Variants in NCOA3 observed in about 807,000 individuals in gnomAD.
NCOA3 encodes the protein CBP-interacting protein.
A neutral mutation model predicts 158.8 loss-of-function variants in NCOA3; 51 were observed. That is an observed-to-expected ratio of 0.32 (90% CI 0.26 to 0.41). The LOEUF is 0.41. Among genes scored for constraint, NCOA3 ranks in the 10% least tolerant of loss-of-function variants. The pLI is 1.00. For missense variants in NCOA3, 1,510 were observed against 1,746.6 expected (o/e 0.86, Z 2.41); for synonymous variants, 537 against 592.4 (o/e 0.91, Z 1.36).
chr20:47,639,163 A>G lies in NCOA3; in HGVS notation c.2668A>G (p.Arg890Gly). 6.2e-7 allele frequency: 1 copy of G among 1,614,172 alleles called. No individual in the cohort carries two copies. The highest frequency in any genetic ancestry group is 8.5e-7 in the Non-Finnish European group (1 of 1,180,016). Reference sequence around the variant, plus strand: ...GCAACCCATGTTGGGTGGGAATCCAAGAATGATGGATAGTCAGGAAAATTA... The same window carrying G: ...GCAACCCATGTTGGGTGGGAATCCAGGAATGATGGATAGTCAGGAAAATTA... Reference protein sequence around the residue: ...PKQPMLGGNPRMMDSQENYGS... With the variant: ...PKQPMLGGNPGMMDSQENYGS... The change falls in exon 14 of 23, where the codon AGA becomes GGA. Residue 890 changes from arginine to glycine, a missense_variant. Around this residue, in one of 4 missense-constraint regions of NCOA3, gnomAD observed 1,017 missense variants for 1,098.3 expected, o/e 0.93. Coordinates refer to ENST00000371998, the MANE Select transcript of NCOA3 (RefSeq NM_181659.3).
At chr20:47,592,295 C>T (rs1331548112) in intron 2 of NCOA3, among the ~76,000 whole-genome samples, 3 of 151,994 alleles carry the variant, frequency 2.0e-5, no homozygotes, top group African/African-American at 7.3e-5. Context: ...TCCATCTGCC[C>T]CAGCCTCCCA....
chr20:47,628,339 C>T (rs1003063567), intron 8 of NCOA3: 9 of 234,102 alleles, frequency 3.8e-5, no homozygotes, highest in African/African-American at 2.0e-4. Flanking sequence ...TAACTTCAAG[C>T]CCATTTGTCA....
At position 47,554,730 on chromosome 20, in the gene NCOA3, G is replaced by A. The variant is rs1441501013; in HGVS notation, c.-98-28453G>A. On this transcript the variant is annotated intron_variant, in intron 1 of 22. Coordinates refer to ENST00000371998, the MANE Select transcript of NCOA3 (RefSeq NM_181659.3). ...AGAGGATACAAACAAATGGAAGAAC[G>A]TTCCATGCTCGTGGGTAGGAAGAAT... is the stretch of plus-strand genomic sequence containing the variant. Among the ~76,000 whole-genome samples, 6 of 151,968 alleles carry A rather than the reference G, an allele frequency of 3.9e-5. No homozygotes were observed. The East Asian group carries it at 7.7e-4, about 20-fold the overall frequency.
rs199688314 is a variant in NCOA3, at chr20:47,639,781, C to T, written c.2912C>T (p.Ala971Val). ...CTTCGGTCTAATAGCATACCAGGTG[C>T]GAGACCAGTATTGCAACAGCAGCAG... ...LPLRSNSIPG[A>V]RPVLQQQQQM... Residue 971 changes from alanine to valine, a missense_variant, in exon 15 of 23, where the codon GCG becomes GTG. This residue lies in a region of NCOA3 where 1,017 missense variants were observed against 1,098.3 expected (regional missense o/e 0.93). Coordinates refer to ENST00000371998, the MANE Select transcript of NCOA3 (RefSeq NM_181659.3). 1.5e-5 allele frequency: 24 copies of T among 1,614,154 alleles called. No individual in the cohort carries two copies. Among genetic ancestry groups the T allele is most frequent in the African/African-American group, 1.3e-4 (10 of 75,038 alleles).
chr20:47,613,740 G>A (rs1025834404), intron 2 of NCOA3, among the ~76,000 whole-genome samples: 3 of 151,414 alleles, frequency 2.0e-5, no homozygotes, highest in Non-Finnish European at 4.4e-5. Flanking sequence ...GTGAAACCCC[G>A]TCTCTACTAA....
chr20:47,556,154 C>T (rs552727784), intron 1 of NCOA3, among the ~76,000 whole-genome samples: 2 of 151,782 alleles, frequency 1.3e-5, no homozygotes, highest in South Asian at 2.1e-4. Context: ...AGGCTGGTCT[C>T]GAACTCTTGA....
At chr20:47,519,135 C>CA (rs1175023080) in intron 1 of NCOA3, among the ~76,000 whole-genome samples, 2,379 of 121,066 alleles carry the variant, frequency 0.02, 64 homozygotes, top group African/African-American at 0.063. Flanking sequence ...GACTCCATCT[C>CA]AAAAAAAAAA....
At chr20:47,640,936 T>C (rs1161028109) in intron 16 of NCOA3, among the ~76,000 whole-genome samples, 2 of 151,980 alleles carry the variant, frequency 1.3e-5, no homozygotes, top group Non-Finnish European at 2.9e-5. Flanking sequence ...TTTAGCTTAG[T>C]AATTTACTTG....
chr20:47,550,326 C>G (rs1345949488), intron 1 of NCOA3, among the ~76,000 whole-genome samples: 5 of 151,396 alleles, frequency 3.3e-5, no homozygotes, highest in Non-Finnish European at 7.4e-5. Flanking sequence ...TGCCTGTAAT[C>G]TCAGCTACTC....
At chr20:47,542,921 C>T (rs1265568342) in intron 1 of NCOA3, among the ~76,000 whole-genome samples, 1 of 152,174 alleles carries the variant, frequency 6.6e-6, no homozygotes. Context: ...GCTGAGAACA[C>T]ACCACTGTAC....
intron 1 of NCOA3, among the ~76,000 whole-genome samples, chr20:47,534,085 C>T (rs977808487): frequency 2.4e-5 from 3 of 125,730 alleles, no homozygotes; most frequent in Non-Finnish European, 4.7e-5. Flanking sequence ...GTAGAGCCAA[C>T]AGGATTTTGT....
chr20:47,602,658 C>CAT (rs2085881645), intron 2 of NCOA3, among the ~76,000 whole-genome samples: 1 of 152,128 alleles, frequency 6.6e-6, no homozygotes, highest in African/African-American at 2.4e-5. Context: ...CATTTCCAGA[C>CAT]ATGATTCAGT....
intron 1 of NCOA3, among the ~76,000 whole-genome samples, chr20:47,566,544 C>G (rs774831140): frequency 6.6e-6 from 1 of 152,060 alleles, no homozygotes; most frequent in African/African-American, 2.4e-5. Context: ...TAGGGTCTTG[C>G]TCTGTCTCCC....
intron 2 of NCOA3, among the ~76,000 whole-genome samples, chr20:47,598,020 C>T (rs912623791): frequency 4.0e-5 from 6 of 151,034 alleles, no homozygotes; most frequent in African/African-American, 1.2e-4. Flanking sequence ...CCGAGGTGGG[C>T]GGATCATGAG....
intron 1 of NCOA3, among the ~76,000 whole-genome samples, chr20:47,514,513 G>C (rs2084199286): frequency 1.3e-5 from 2 of 151,926 alleles, no homozygotes; most frequent in South Asian, 4.1e-4. Flanking sequence ...TCAGCCTCTG[G>C]AGTAGCTGGG....
chr20:47,598,331 C>T (rs1320397781), intron 2 of NCOA3, among the ~76,000 whole-genome samples: 2 of 151,238 alleles, frequency 1.3e-5, no homozygotes. Context: ...ATTATCAAAC[C>T]TGTTTTTATT....
intron 1 of NCOA3, among the ~76,000 whole-genome samples, chr20:47,505,007 T>TTTTTTG (rs1569307932): frequency 2.1e-5 from 2 of 95,492 alleles, no homozygotes; most frequent in East Asian, 5.5e-4. Context: ...TTTTTGGTTT[T>TTTTTTG]TTTTTTTTTT....
intron 1 of NCOA3, among the ~76,000 whole-genome samples, chr20:47,547,744 G>C (rs6018541): frequency 0.21 from 30,686 of 148,748 alleles, 3,475 homozygotes; most frequent in Middle Eastern, 0.29. Context: ...GAGATGGAGT[G>C]TCGCTCTGTC....
At chr20:47,609,004 C>T (rs983903719) in intron 2 of NCOA3, among the ~76,000 whole-genome samples, 2 of 152,116 alleles carry the variant, frequency 1.3e-5, no homozygotes, top group East Asian at 3.8e-4. Context: ...AGAAACATAT[C>T]TACTATAGAG....
Sources: gnomAD v4.1 joint callset for allele counts (sites outside exome capture counted in the v4.1 genomes callset) on GRCh38, gnomAD v4.1.1 for gene constraint, gnomAD v4.1.1 regional missense constraint, MANE v1.5 for transcripts, NCBI Gene and HGNC (gene_info 2026-07-23, HGNC 2026-07-21) for gene names.